Variants in ARHGAP26 observed in about 807,000 individuals in gnomAD.
ARHGAP26 encodes the protein rho GTPase-activating protein 26.
In ARHGAP26, 38 loss-of-function variants were observed where a neutral mutation model predicts 104.8. That is an observed-to-expected ratio of 0.36 (90% confidence interval 0.28 to 0.48). ARHGAP26 has a LOEUF of 0.48. Among genes scored for constraint, ARHGAP26 ranks in the 20% least tolerant of loss-of-function variants. The pLI, the probability that ARHGAP26 is intolerant of heterozygous loss-of-function variation, is 0.99. For missense variants in ARHGAP26, 704 were observed against 947.9 expected (o/e 0.74, Z 3.38); for synonymous variants, 341 against 340.0 (o/e 1.00, Z -0.03).
intron 11 of ARHGAP26, among the ~76,000 whole-genome samples, chr5:142,957,749 C>T (rs141011957): frequency 6.6e-6 from 1 of 152,380 alleles, no homozygotes; most frequent in East Asian, 1.9e-4. Flanking sequence ...ACCCAGAGTT[C>T]AGCTTAAGTA....
intron 12 of ARHGAP26, among the ~76,000 whole-genome samples, chr5:143,036,457 T>C (rs1782659403): frequency 6.6e-6 from 1 of 152,228 alleles, no homozygotes; most frequent in African/African-American, 2.4e-5. Flanking sequence ...CCCTAGAGGA[T>C]GGCCCCACTG....
intron 19 of ARHGAP26, among the ~76,000 whole-genome samples, chr5:143,139,599 G>C (rs925788453): frequency 4.6e-5 from 7 of 152,268 alleles, no homozygotes; most frequent in East Asian, 1.9e-4. Context: ...CTGCAGCCAC[G>C]TGACAGTCTC....
intron 1 of ARHGAP26, among the ~76,000 whole-genome samples, chr5:142,846,629 A>G (rs1200958625): frequency 6.6e-6 from 1 of 152,106 alleles, no homozygotes; most frequent in Non-Finnish European, 1.5e-5. Context: ...CTTCCCCTTT[A>G]TACCCCAGAA....
rs543341125 is a variant in ARHGAP26 at position 142,862,528 on chromosome 5, A to G, written c.155-10872A>G. On this transcript the variant is annotated intron_variant, in intron 1 of 22. Transcript: ENST00000645722. ...GTATTTTCCTTTTGTAATATGTATG[A>G]AGAAAGGCATAGAACAAGGATAAAA... 8.5e-5 allele frequency among the ~76,000 whole-genome samples: 13 copies of G among 152,298 alleles called. No homozygotes were observed. In the South Asian group the frequency reaches 2.5e-3, roughly 29 times the overall value.
chr5:143,064,098 G>T (rs1787138134), intron 17 of ARHGAP26, among the ~76,000 whole-genome samples: 1 of 152,044 alleles, frequency 6.6e-6, no homozygotes, highest in South Asian at 2.1e-4. Context: ...TTTAAAGGGG[G>T]CGATTTTACT....
At chr5:142,990,921 T>C (rs1018942510) in intron 11 of ARHGAP26, among the ~76,000 whole-genome samples, 1 of 152,160 alleles carries the variant, frequency 6.6e-6, no homozygotes, top group African/African-American at 2.4e-5. Context: ...GGGACCCACT[T>C]GAGGAGGCAG....
chr5:143,042,853 A>G (rs1222334926), intron 14 of ARHGAP26, among the ~76,000 whole-genome samples: 2 of 152,098 alleles, frequency 1.3e-5, no homozygotes, highest in Non-Finnish European at 2.9e-5. Context: ...CCAAAACCCT[A>G]TTGTATTGCT....
chr5:142,806,246 C>T (rs1762960670), intron 1 of ARHGAP26, among the ~76,000 whole-genome samples: 2 of 152,148 alleles, frequency 1.3e-5, no homozygotes, highest in Non-Finnish European at 2.9e-5. Context: ...GCATGTGCCA[C>T]CAGGCCCATG....
At chr5:142,917,513 G>A (rs1216295146) in intron 10 of ARHGAP26, among the ~76,000 whole-genome samples, 2 of 152,150 alleles carry the variant, frequency 1.3e-5, no homozygotes, top group African/African-American at 4.8e-5. Context: ...ACAATATAAA[G>A]TACAATGAAC....
At chr5:143,195,077 C>T (rs928860844) in intron 20 of ARHGAP26, among the ~76,000 whole-genome samples, 3 of 152,204 alleles carry the variant, frequency 2.0e-5, no homozygotes, top group African/African-American at 4.8e-5. Context: ...GGCTGCTACT[C>T]GCTTGGAGGG....
intron 1 of ARHGAP26, among the ~76,000 whole-genome samples, chr5:142,803,466 C>T (rs577813160): frequency 6.6e-6 from 1 of 152,284 alleles, no homozygotes; most frequent in Non-Finnish European, 1.5e-5. Context: ...AGCTCCTGTC[C>T]TTTGTTGTTG....
At chr5:142,913,171 A>G (rs771262348) in intron 9 of ARHGAP26, 28 bp from the exon 10 acceptor site, 3 of 1,600,594 alleles carry the variant, frequency 1.9e-6, no homozygotes, top group South Asian at 2.2e-5. Context: ...TTCTGGCCTC[A>G]TCTTGATAGT....
At chr5:143,108,238 T>G (rs1000634943) in intron 17 of ARHGAP26, among the ~76,000 whole-genome samples, 10 of 152,234 alleles carry the variant, frequency 6.6e-5, no homozygotes, top group African/African-American at 2.2e-4. Context: ...TTTGTATTCC[T>G]TTTTCAGTGG....
chr5:142,978,348 T>C (rs1389914123), intron 11 of ARHGAP26, among the ~76,000 whole-genome samples: 3 of 152,210 alleles, frequency 2.0e-5, no homozygotes, highest in Non-Finnish European at 2.9e-5. Flanking sequence ...TGAGAAATCC[T>C]TGGCCATCTT....
intron 11 of ARHGAP26, among the ~76,000 whole-genome samples, chr5:142,941,633 G>A (rs898970186): frequency 3.9e-5 from 6 of 152,146 alleles, no homozygotes; most frequent in Admixed American, 2.0e-4. Context: ...TCACATCAAT[G>A]CACTGAAGTC....
At chr5:142,991,723 T>C (rs952218629) in intron 11 of ARHGAP26, among the ~76,000 whole-genome samples, 9 of 152,326 alleles carry the variant, frequency 5.9e-5, no homozygotes, top group African/African-American at 2.2e-4. Flanking sequence ...TATAGGTTTA[T>C]CTCCTAGGAA....
intron 18 of ARHGAP26, among the ~76,000 whole-genome samples, chr5:143,123,964 A>AACACACAC (rs34527854): frequency 6.6e-5 from 10 of 151,122 alleles, no homozygotes; most frequent in African/African-American, 2.4e-4. Flanking sequence ...CTGTAATAGA[A>AACACACAC]ACACACACAC....
intron 11 of ARHGAP26, among the ~76,000 whole-genome samples, chr5:142,942,154 C>G (rs1439723571): frequency 6.6e-6 from 1 of 152,068 alleles, no homozygotes; most frequent in Admixed American, 6.6e-5. Context: ...ATTGAGTTGC[C>G]TTCGTTATCT....
rs1780866015 is a variant in ARHGAP26 at position 143,025,123 on chromosome 5, C to T, written c.1144+11007C>T. On this transcript the variant is annotated intron_variant, in intron 12 of 22. Coordinates refer to ENST00000645722, the MANE Select transcript of ARHGAP26 (RefSeq NM_001135608.3). ...GTCATCATTATCCAAAGCCAGAGCCCGTTTATATAAAAACGTGGCACTGTA... is the reference window on the plus strand; with the variant it reads ...GTCATCATTATCCAAAGCCAGAGCCTGTTTATATAAAAACGTGGCACTGTA... 3.3e-5 allele frequency among the ~76,000 whole-genome samples: 5 copies of T among 152,088 alleles called. 1 individual carries two copies. Among genetic ancestry groups the T allele is most frequent in the Admixed American group, 2.6e-4 (4 of 15,272 alleles).
Sources: allele counts gnomAD v4.1 joint callset (sites outside exome capture counted in the v4.1 genomes callset), GRCh38; gene constraint gnomAD v4.1.1; transcripts MANE v1.5; gene names NCBI Gene and HGNC (gene_info 2026-07-23, HGNC 2026-07-21).